The following YAF2 variants were observed in gnomAD, a reference collection of about 807,000 sequenced individuals.
YAF2 encodes YY1-associated factor 2.
In YAF2, 7 loss-of-function variants were observed where a neutral mutation model predicts 20.1. That is an observed-to-expected ratio of 0.35 (90% CI 0.20 to 0.65). YAF2 has a LOEUF of 0.65. Ranked by LOEUF, YAF2 falls within the 30% of genes least tolerant of loss-of-function variation. The probability of loss-of-function intolerance (pLI) is 0.69; values close to 1 mark genes in which losing one functional copy is unlikely to be tolerated. For synonymous variants in YAF2, 74 were observed against 76.0 expected (o/e 0.97, Z 0.14); for missense variants, 151 against 219.2 (o/e 0.69, Z 1.96).
chr12:42,222,572 C>T (rs1477262617), intron 2 of YAF2, among the ~76,000 whole-genome samples: 3 of 151,938 alleles, frequency 2.0e-5, no homozygotes, highest in Non-Finnish European at 2.9e-5. Context: ...TACAAGTGTG[C>T]TTACATAAAA....
chr12:42,228,315 T>C (rs1197392229), intron 2 of YAF2, among the ~76,000 whole-genome samples: 7 of 30,178 alleles, frequency 2.3e-4, no homozygotes, highest in African/African-American at 7.7e-4. Flanking sequence ...TCAGCCCCCC[T>C]GCCCGGCCAG....
At chr12:42,204,968 ACT>A (rs987820987) in intron 2 of YAF2, among the ~76,000 whole-genome samples, 17 of 152,038 alleles carry the variant, frequency 1.1e-4, no homozygotes, top group African/African-American at 3.9e-4. Context: ...TCTTGGCAAA[ACT>A]CTGTAAAAAT....
intron 2 of YAF2, among the ~76,000 whole-genome samples, chr12:42,175,366 G>A (rs1296552256): frequency 6.7e-6 from 1 of 150,162 alleles, no homozygotes; most frequent in Middle Eastern, 3.2e-3. Context: ...ATGGGATGGG[G>A]GTAGGTACAG....
intron 2 of YAF2, among the ~76,000 whole-genome samples, chr12:42,173,229 CTA>C (rs2066096732): frequency 6.6e-6 from 1 of 152,230 alleles, no homozygotes; most frequent in East Asian, 1.9e-4. Flanking sequence ...GCAGCTAAGA[CTA>C]TAGTCACAAA....
Position 42,194,681 on chromosome 12 carries a change from A to G in YAF2, c.153-32916T>C, listed in dbSNP as rs1448805510. Among the ~76,000 whole-genome samples the G allele has an allele frequency of 2.0e-5, 3 of 152,172 alleles. No homozygotes were observed. In the East Asian group the frequency reaches 5.8e-4, roughly 29 times the overall value. On this transcript the variant is annotated intron_variant, in intron 2 of 3. Coordinates refer to ENST00000534854, the MANE Select transcript of YAF2 (RefSeq NM_005748.6). ...TGTCCTATAATATTCTAAATCAGTA[A>G]CATAAAAATTTTTTGGTGTTGTACA...
intron 2 of YAF2, among the ~76,000 whole-genome samples, chr12:42,165,073 A>AG (rs1343360403): frequency 6.6e-6 from 1 of 151,770 alleles, no homozygotes; most frequent in Non-Finnish European, 1.5e-5. Flanking sequence ...AAAAAAAAAA[A>AG]AAAAAAGAAA....
chr12:42,199,044 G>T, intron 2 of YAF2: 1 of 625,914 alleles, frequency 1.6e-6, no homozygotes, highest in Non-Finnish European at 2.3e-6. Context: ...CATTTTTGTT[G>T]AATTTAATAT....
rs907662444 is a variant in YAF2 at position 42,237,709 on chromosome 12, C to T, written c.42G>A (p.Pro14=). The T allele has an allele frequency of 3.8e-6, 6 of 1,564,656 alleles. No individual in the cohort carries two copies. The highest frequency in any genetic ancestry group is 3.5e-6 in the Non-Finnish European group (4 of 1,158,476). ...AGTAACCCTCATCCGAGGACGGCTT[C>T]GGCTGCCGCTTCGGCCTGCAGGACA... is the stretch of plus-strand genomic sequence containing the variant. ...KKSPTRPKRQ[P]KPSSDEGYWD... Residue 14 remains proline (P), a synonymous_variant, in exon 2 of 4, where the codon CCG becomes CCA. Transcript: ENST00000534854.
intron 2 of YAF2, among the ~76,000 whole-genome samples, chr12:42,197,098 T>A (rs573419465): frequency 2.0e-3 from 307 of 152,328 alleles, no homozygotes; most frequent in African/African-American, 7.2e-3. Context: ...AAAATTAGTG[T>A]CATGACAACA....
At chr12:42,228,130 C>G (rs2067813346) in intron 2 of YAF2, among the ~76,000 whole-genome samples, 1 of 87,292 alleles carries the variant, frequency 1.1e-5, no homozygotes, top group African/African-American at 5.3e-5. Context: ...GCCAGCCGCC[C>G]CGTCCGGGAG....
At chr12:42,207,904 A>G (rs2067099286) in intron 2 of YAF2, among the ~76,000 whole-genome samples, 1 of 152,068 alleles carries the variant, frequency 6.6e-6, no homozygotes, top group African/African-American at 2.4e-5. Flanking sequence ...AAGACAAACA[A>G]AAAACTGGTA....
At chr12:42,214,159 T>C (rs1177073702) in intron 2 of YAF2, among the ~76,000 whole-genome samples, 2 of 152,228 alleles carry the variant, frequency 1.3e-5, no homozygotes, top group African/African-American at 4.8e-5. Flanking sequence ...CTCACCTTCA[T>C]CTGATGCCAC....
At chr12:42,205,587 C>T (rs918102938) in intron 2 of YAF2, among the ~76,000 whole-genome samples, 3 of 152,128 alleles carry the variant, frequency 2.0e-5, no homozygotes, top group Admixed American at 6.5e-5. Context: ...CTTGGCCAGG[C>T]TGGTCTTGAA....
intron 2 of YAF2, among the ~76,000 whole-genome samples, chr12:42,206,462 A>C (rs1166056386): frequency 6.6e-6 from 1 of 152,080 alleles, no homozygotes; most frequent in Non-Finnish European, 1.5e-5. Flanking sequence ...TACAAAAATT[A>C]AGTGGACGCG....
At position 42,210,385 on chromosome 12, in the gene YAF2, T is replaced by A. The variant is rs77108439; in HGVS notation, c.152+27214A>T. 24,123 of 1,532,158 alleles carry A rather than the reference T, an allele frequency of 0.016. 252 individuals carry two copies. Among genetic ancestry groups the A allele is most frequent in the Non-Finnish European group, 0.019 (21,911 of 1,144,892 alleles). The allele number at this position is 1,532,158 out of a possible 1,614,324, so 94.9% of individuals were successfully genotyped here. A position where few individuals can be genotyped will look rare whatever the true frequency, so the allele number is the denominator to read the frequency against. On this transcript the variant is annotated intron_variant, in intron 2 of 3. Coordinates refer to ENST00000534854, the MANE Select transcript of YAF2 (RefSeq NM_005748.6). ...ACTTGAGTTATCCTATTGGGTCTTT[T>A]CCCTCACAGATCCACCTCTCTTGCC...
intron 2 of YAF2, among the ~76,000 whole-genome samples, chr12:42,175,048 A>AT (rs763762957): frequency 4.6e-5 from 7 of 152,234 alleles, no homozygotes; most frequent in African/African-American, 9.6e-5. Flanking sequence ...AGAAGGAAAT[A>AT]TATGTCCATA....
intron 2 of YAF2, among the ~76,000 whole-genome samples, chr12:42,177,839 T>C (rs973169319): frequency 4.6e-5 from 7 of 152,202 alleles, no homozygotes; most frequent in Non-Finnish European, 4.4e-5. Context: ...GTAGGAGAAG[T>C]CTTTCTTAAT....
chr12:42,199,082 C>G, intron 2 of YAF2: 1 of 1,009,750 alleles, frequency 9.9e-7, no homozygotes, highest in Non-Finnish European at 1.3e-6. Flanking sequence ...TTAATTTCCT[C>G]TTGGGTACAT....
intron 2 of YAF2, among the ~76,000 whole-genome samples, chr12:42,209,471 G>A (rs986542644): frequency 2.6e-5 from 4 of 151,372 alleles, no homozygotes; most frequent in African/African-American, 9.7e-5. Context: ...GGCTGAAGTG[G>A]GAGGATGGCT....
Sources: allele counts gnomAD v4.1 joint callset (sites outside exome capture counted in the v4.1 genomes callset), GRCh38; gene constraint gnomAD v4.1.1; transcripts MANE v1.5; gene names NCBI Gene and HGNC (gene_info 2026-07-23, HGNC 2026-07-21).